The following PRKN variants were observed in gnomAD, a reference collection of about 807,000 sequenced individuals.
PRKN encodes the protein E3 ubiquitin-protein ligase parkin.
A neutral mutation model predicts 59.5 loss-of-function variants in PRKN; 56 were observed. That is an observed-to-expected ratio of 0.94 (90% CI 0.76 to 1.18). The LOEUF (loss-of-function observed/expected upper bound fraction) is 1.18. PRKN is among the 50% of genes most tolerant of loss of function. The pLI, the probability that PRKN is intolerant of heterozygous loss-of-function variation, is 0.00. For missense variants in PRKN, 657 were observed against 596.4 expected, an observed-to-expected ratio of 1.10 and a Z score of -1.06; for synonymous variants, 250 against 222.1, an observed-to-expected ratio of 1.13 and a Z score of -1.12.
rs147535268 is a variant in PRKN at position 161,734,310 on chromosome 6, A to C, written c.871+51462T>G. 2.0e-3 allele frequency among the ~76,000 whole-genome samples: 306 copies of C among 152,276 alleles called. 1 individual carries two copies. The highest frequency in any genetic ancestry group is 5.0e-3 in the Admixed American group (77 of 15,296). ...GGTATTCCATACAATGAATGCTTTC[A>C]CTCCAGGCCTGCGAATTAGGCTGAC... On this transcript the variant is annotated intron_variant, in intron 7 of 11. Transcript: ENST00000366898.
intron 1 of PRKN, among the ~76,000 whole-genome samples, chr6:162,593,124 G>A (rs1781373347): frequency 6.6e-6 from 1 of 152,118 alleles, no homozygotes; most frequent in Non-Finnish European, 1.5e-5. Context: ...AATTATATAC[G>A]AAACAGAATT....
chr6:161,821,583 C>A (rs980838958), intron 6 of PRKN, among the ~76,000 whole-genome samples: 5 of 152,104 alleles, frequency 3.3e-5, no homozygotes, highest in Admixed American at 1.3e-4. Flanking sequence ...TTTTCACAGA[C>A]AATGGCAAAT....
intron 6 of PRKN, among the ~76,000 whole-genome samples, chr6:161,900,559 A>ATG (rs386409176): frequency 2.3e-5 from 2 of 88,792 alleles, no homozygotes; most frequent in African/African-American, 4.3e-5. Flanking sequence ...CATATTTTAT[A>ATG]TGTTATATAT....
intron 1 of PRKN, chr6:162,727,362 C>A: frequency 2.4e-6 from 1 of 414,804 alleles, no homozygotes; most frequent in South Asian, 3.2e-5. Flanking sequence ...CCACACGGTC[C>A]GGGGGACCGC....
At chr6:162,299,777 T>G (rs141851809) in intron 2 of PRKN, among the ~76,000 whole-genome samples, 353 of 152,238 alleles carry the variant, frequency 2.3e-3, no homozygotes, top group South Asian at 0.011. Context: ...CCTACCACAC[T>G]TACTGCTTAG....
At position 161,501,154 on chromosome 6, in the gene PRKN, G is replaced by A. The variant is rs570316389; in HGVS notation, c.1083+47700C>T. On this transcript the variant is annotated intron_variant, in intron 9 of 11. Coordinates refer to ENST00000366898, the MANE Select transcript of PRKN (RefSeq NM_004562.3). ...TCCCAAGCGCTGGGATTACAGGCAAGAGCCATTGTGCCCGGCTGTGTTTAG... is the reference window on the plus strand; with the variant it reads ...TCCCAAGCGCTGGGATTACAGGCAAAAGCCATTGTGCCCGGCTGTGTTTAG... 2.6e-5 allele frequency among the ~76,000 whole-genome samples: 4 copies of A among 152,310 alleles called. No individual in the cohort carries two copies. In the South Asian group the frequency reaches 8.3e-4, roughly 32 times the overall value.
chr6:162,132,586 G>A (rs994529562), intron 4 of PRKN, among the ~76,000 whole-genome samples: 1 of 152,076 alleles, frequency 6.6e-6, no homozygotes, highest in South Asian at 2.1e-4. Context: ...GAATAATAAC[G>A]ACGTTGTAAC....
At chr6:161,597,719 C>T (rs1414270671) in intron 7 of PRKN, among the ~76,000 whole-genome samples, 2 of 152,194 alleles carry the variant, frequency 1.3e-5, no homozygotes, top group Non-Finnish European at 2.9e-5. Context: ...AAGCCCTGCC[C>T]ATGCAGGCAC....
chr6:162,390,875 CAG>C (rs1339037357), intron 2 of PRKN, among the ~76,000 whole-genome samples: 2 of 152,014 alleles, frequency 1.3e-5, no homozygotes, highest in African/African-American at 4.8e-5. Context: ...TCTATAAAAA[CAG>C]AAGTTAAATA....
Position 161,592,406 on chromosome 6 carries a change from T to A in PRKN, c.872-22990A>T, listed in dbSNP as rs1489317522. On this transcript the variant is annotated intron_variant, in intron 7 of 11. Transcript: ENST00000366898. The surrounding 1 kb of genome is among the most constrained non-coding windows in gnomAD (Gnocchi z 4.8). Reference sequence around the variant, plus strand: ...TATTCTCTTTAATATACTCTTCTGTTTATATAATGTGGGGCTAGTAGACGA... The same window carrying A: ...TATTCTCTTTAATATACTCTTCTGTATATATAATGTGGGGCTAGTAGACGA... Among the ~76,000 whole-genome samples the A allele has an allele frequency of 6.6e-6, 1 of 152,208 alleles. No individual in the cohort carries two copies. The highest frequency in any genetic ancestry group is 1.5e-5 in the Non-Finnish European group (1 of 68,042).
At chr6:162,722,092 T>C (rs960975489) in intron 1 of PRKN, among the ~76,000 whole-genome samples, 2 of 152,178 alleles carry the variant, frequency 1.3e-5, no homozygotes, top group African/African-American at 4.8e-5. Flanking sequence ...CACAAACTTA[T>C]TGGGAAGAAA....
At chr6:161,755,924 T>C (rs1168774226) in intron 7 of PRKN, among the ~76,000 whole-genome samples, 1 of 152,006 alleles carries the variant, frequency 6.6e-6, no homozygotes, top group Non-Finnish European at 1.5e-5. Context: ...CAGTGGGCAA[T>C]AGGTGTTGGA....
chr6:162,500,308 A>G (rs752195511), intron 1 of PRKN, among the ~76,000 whole-genome samples: 1 of 151,598 alleles, frequency 6.6e-6, no homozygotes, highest in Non-Finnish European at 1.5e-5. Flanking sequence ...AGTAGCTGGG[A>G]TCACAGGCGC....
In PRKN at chr6:161,402,896, CG is replaced by C. The variant is rs1787111130; in HGVS notation, c.1084-16020del. 6.6e-6 allele frequency among the ~76,000 whole-genome samples: 1 copy of C among 152,130 alleles called. No homozygotes were observed. Among genetic ancestry groups the C allele is most frequent in the Non-Finnish European group, 1.5e-5 (1 of 68,026 alleles). ...GTAGTCTCTCCAGGCATGGTGTCCA[CG>C]TACTCATCTTCCCCGGCTGACACAA... On this transcript the variant is annotated intron_variant, in intron 9 of 11. Coordinates refer to ENST00000366898, the MANE Select transcript of PRKN (RefSeq NM_004562.3). This position sits in a 1 kb window ranked among gnomAD's most constrained non-coding sequence, Gnocchi z 4.5.
Position 162,606,137 on chromosome 6 carries a change from C to T in PRKN, c.7+121525G>A, listed in dbSNP as rs149048133. ...CAAAATAGATGTGAACAAACAAATT[C>T]GTAGATTAACCACTCTATCATCTTT... is the stretch of plus-strand genomic sequence containing the variant. On this transcript the variant is annotated intron_variant, in intron 1 of 11. Transcript: ENST00000366898. 8.3e-4 allele frequency among the ~76,000 whole-genome samples: 127 copies of T among 152,254 alleles called. 1 individual carries two copies. The highest frequency in any genetic ancestry group is 2.8e-3 in the African/African-American group (118 of 41,556).
chr6:161,580,040 G>C (rs1781276375), intron 7 of PRKN, among the ~76,000 whole-genome samples: 1 of 152,064 alleles, frequency 6.6e-6, no homozygotes, highest in Non-Finnish European at 1.5e-5. Context: ...ATATGCTGGG[G>C]TGAGATACAT....
intron 5 of PRKN, among the ~76,000 whole-genome samples, chr6:162,012,432 G>A (rs574247436): frequency 6.6e-6 from 1 of 151,752 alleles, no homozygotes; most frequent in South Asian, 2.1e-4. Context: ...TATATATAAT[G>A]TACATTATTA....
intron 1 of PRKN, among the ~76,000 whole-genome samples, chr6:162,697,028 C>T (rs1777996412): frequency 6.6e-6 from 1 of 151,838 alleles, no homozygotes; most frequent in Non-Finnish European, 1.5e-5. Flanking sequence ...AAATATATTC[C>T]ACTGTCTCAT....
intron 6 of PRKN, among the ~76,000 whole-genome samples, chr6:161,939,418 CAAAAAAAAAAA>C (rs34604240): frequency 7.6e-5 from 3 of 39,578 alleles, no homozygotes; most frequent in Admixed American, 7.5e-4. Context: ...GACTCTGTCT[CAAAAAAAAAAA>C]AAAAAAAAAA....
Sources: allele counts gnomAD v4.1 joint callset (sites outside exome capture counted in the v4.1 genomes callset), GRCh38; gene constraint gnomAD v4.1.1; non-coding constraint Gnocchi (gnomAD v3.1); transcripts MANE v1.5; gene names NCBI Gene and HGNC (gene_info 2026-07-23, HGNC 2026-07-21).